Variants in TOLLIP observed in about 807,000 individuals in gnomAD.
The protein encoded by TOLLIP is toll-interacting protein.
Under a neutral mutation model 33.5 loss-of-function variants are expected in TOLLIP, and 16 were observed. The ratio of observed to expected loss-of-function variants is 0.48; its 90% CI spans 0.32 to 0.72. The LOEUF is 0.72. Among genes scored for constraint, TOLLIP ranks in the 30% least tolerant of loss-of-function variants. The pLI, the probability that TOLLIP is intolerant of heterozygous loss-of-function variation, is 0.03. For missense variants in TOLLIP, 325 were observed against 396.6 expected, an observed-to-expected ratio of 0.82 and a Z score of 1.53; for synonymous variants, 176 against 163.7, an observed-to-expected ratio of 1.07 and a Z score of -0.57.
At chr11:1,297,943 C>T (rs1055898641) in intron 1 of TOLLIP, among the ~76,000 whole-genome samples, 2 of 152,226 alleles carry the variant, frequency 1.3e-5, no homozygotes, top group African/African-American at 4.8e-5. Context: ...CAGGGCCCTT[C>T]GCCTGCCTCC....
rs182308113 is a variant in TOLLIP, at chr11:1,298,884, C to T, written c.34-3090G>A. Reference sequence around the variant, plus strand: ...CTGACAAAATCCCTGACCAGTCAGTCGTCCTCAAACCGTCAAGGTCCCAAA... The same window carrying T: ...CTGACAAAATCCCTGACCAGTCAGTTGTCCTCAAACCGTCAAGGTCCCAAA... On this transcript the variant is annotated intron_variant, in intron 1 of 5. Transcript: ENST00000317204. 2.6e-5 allele frequency among the ~76,000 whole-genome samples: 4 copies of T among 152,350 alleles called. No individual in the cohort carries two copies. In the East Asian group the frequency reaches 5.8e-4, roughly 22 times the overall value.
rs1173113377 is a variant in TOLLIP, at chr11:1,277,862, CACAT to C, written c.611-613_611-610del. ...ATGCCCAGAATGACAACCCCACACA[CACAT>C]ACAAACTACACCAAGAAAATGCTCA... is the stretch of plus-strand genomic sequence containing the variant. On this transcript the variant is annotated intron_variant, in intron 5 of 5. Transcript: ENST00000317204. The surrounding 1 kb of genome is among the most constrained non-coding windows in gnomAD (Gnocchi z 4.2). 2.0e-5 allele frequency among the ~76,000 whole-genome samples: 3 copies of C among 152,346 alleles called. No homozygotes were observed. Among genetic ancestry groups the C allele is most frequent in the Non-Finnish European group, 2.9e-5 (2 of 68,036 alleles).
Position 1,290,091 on chromosome 11 carries a change from T to G in TOLLIP, c.366+136A>C. On this transcript the variant is annotated intron_variant, in intron 3 of 5. Transcript: ENST00000317204. This position sits in a 1 kb window ranked among gnomAD's most constrained non-coding sequence, Gnocchi z 4.9. ...CCTTGGGGAGAGCAGGACCCTGTCA[T>G]GCACCCAATGAAACACCAGGTGGGG... 2.6e-6 allele frequency: 2 copies of G among 771,250 alleles called. No individual in the cohort carries two copies. The highest frequency in any genetic ancestry group is 2.4e-5 in the Admixed American group (1 of 41,786). 47.8% of individuals were successfully genotyped at this position (771,250 alleles called of 1,614,324 possible).
intron 5 of TOLLIP, among the ~76,000 whole-genome samples, chr11:1,282,534 G>C (rs1180697213): frequency 3.3e-5 from 5 of 151,686 alleles, no homozygotes; most frequent in African/African-American, 9.7e-5. Flanking sequence ...TAAATGATGA[G>C]TCAATGGGTC....
intron 5 of TOLLIP, among the ~76,000 whole-genome samples, chr11:1,280,963 A>G (rs950981677): frequency 6.6e-6 from 1 of 152,198 alleles, no homozygotes; most frequent in African/African-American, 2.4e-5. Flanking sequence ...CGGGAAATTG[A>G]GCAGTTGGCT....
intron 1 of TOLLIP, 26 bp from the exon 2 acceptor site, chr11:1,295,820 C>A: frequency 6.5e-7 from 1 of 1,531,552 alleles, no homozygotes; most frequent in Non-Finnish European, 8.8e-7. Context: ...CCAGAGAGGC[C>A]AGTGAGTCAG....
chr11:1,279,589 G>T (rs1012693612), intron 5 of TOLLIP, among the ~76,000 whole-genome samples: 4 of 152,200 alleles, frequency 2.6e-5, no homozygotes, highest in African/African-American at 9.7e-5. Flanking sequence ...GCTTTGCTGT[G>T]TCCCTGCCAT....
intron 5 of TOLLIP, among the ~76,000 whole-genome samples, chr11:1,279,631 C>T (rs747545736): frequency 4.7e-4 from 71 of 152,344 alleles, no homozygotes; most frequent in African/African-American, 9.9e-4. Flanking sequence ...GCCACCTGCA[C>T]GCACGCGGAC....
chr11:1,294,211 A>C (rs1489560980), intron 2 of TOLLIP, among the ~76,000 whole-genome samples: 3 of 135,664 alleles, frequency 2.2e-5, no homozygotes, highest in Non-Finnish European at 4.6e-5. Context: ...TGTGGCTCAC[A>C]GTGTGTCTCC....
intron 2 of TOLLIP, among the ~76,000 whole-genome samples, chr11:1,295,214 C>T (rs1353666340): frequency 1.3e-5 from 2 of 152,238 alleles, no homozygotes; most frequent in Non-Finnish European, 2.9e-5. Flanking sequence ...CACGGGCCGG[C>T]CCCGAGGCTG....
rs1864329909 is a variant in TOLLIP at position 1,303,120 on chromosome 11, A to T, written c.33+6346T>A. The stretch of plus-strand genomic sequence containing the variant: ...ACCCGTGTAAGCTGAAGAGCGGTGA[A>T]AGGGAAGAGTACAGGACAGAATGAG... On this transcript the variant is annotated intron_variant, in intron 1 of 5. Transcript: ENST00000317204. The surrounding 1 kb of genome is among the most constrained non-coding windows in gnomAD (Gnocchi z 4.2). 6.6e-6 allele frequency among the ~76,000 whole-genome samples: 1 copy of T among 152,218 alleles called. No individual in the cohort carries two copies. The highest frequency in any genetic ancestry group is 1.5e-5 in the Non-Finnish European group (1 of 68,042).
At chr11:1,308,619 G>A (rs1341619932) in intron 1 of TOLLIP, among the ~76,000 whole-genome samples, 1 of 152,226 alleles carries the variant, frequency 6.6e-6, no homozygotes, top group African/African-American at 2.4e-5. Flanking sequence ...AGAAGAAACT[G>A]CCAGGCAACT....
Position 1,278,558 on chromosome 11 carries a change from C to T in TOLLIP, c.611-1305G>A, listed in dbSNP as rs1863386003. Among the ~76,000 whole-genome samples, 2 of 152,176 alleles carry T rather than the reference C, an allele frequency of 1.3e-5. No individual in the cohort carries two copies. The highest frequency in any genetic ancestry group is 2.9e-5 in the Non-Finnish European group (2 of 68,036). On this transcript the variant is annotated intron_variant, in intron 5 of 5. Transcript: ENST00000317204. The surrounding 1 kb of genome is among the most constrained non-coding windows in gnomAD (Gnocchi z 4.7). Reference sequence around the variant, plus strand: ...GCCAGGACTCCTCAGCAAGGAAGGCCACCGCTTCCCGGCTCCTTCTAGGCC... The same window carrying T: ...GCCAGGACTCCTCAGCAAGGAAGGCTACCGCTTCCCGGCTCCTTCTAGGCC...
In TOLLIP at chr11:1,275,178, AAGGGCTGGCAGC is replaced by A. The variant is rs1863250342; in HGVS notation, c.*1849_*1860del. 2.0e-5 allele frequency: 3 copies of A among 152,188 alleles called. No homozygotes were observed. The highest frequency in any genetic ancestry group is 7.2e-5 in the African/African-American group (3 of 41,446). The allele number at this position is 152,188 out of a possible 1,614,324, so 9.4% of individuals were successfully genotyped here. On this transcript the variant is annotated 3_prime_UTR_variant, in exon 6 of 6. Coordinates refer to ENST00000317204, the MANE Select transcript of TOLLIP (RefSeq NM_019009.4). Reference sequence around the variant, plus strand: ...CCTCGGGCCCCCACACGGGCTGCTCAAGGGCTGGCAGCAGGGGCCACGTCCTCTCTAGGAGAC... The same window carrying A: ...CCTCGGGCCCCCACACGGGCTGCTCAAGGGGCCACGTCCTCTCTAGGAGAC...
At chr11:1,291,292 C>G (rs574416011) in intron 2 of TOLLIP, 1 of 152,494 alleles carries the variant, frequency 6.6e-6, no homozygotes, top group East Asian at 1.9e-4. Context: ...GGAATGCAGA[C>G]GGCCTCCCTG....
intron 4 of TOLLIP, 40 bp downstream of exon 4, chr11:1,288,584 T>C: frequency 1.3e-6 from 2 of 1,578,208 alleles, no homozygotes; most frequent in Non-Finnish European, 1.7e-6. Flanking sequence ...TGCTCCAACA[T>C]ACCCCAATGC....
At chr11:1,292,856 G>A (rs1217018274) in intron 2 of TOLLIP, among the ~76,000 whole-genome samples, 1 of 152,278 alleles carries the variant, frequency 6.6e-6, no homozygotes, top group Non-Finnish European at 1.5e-5. Flanking sequence ...CCGGGTATGC[G>A]GGCTGCAGGA....
chr11:1,295,896 T>G, intron 1 of TOLLIP, 102 bp from the exon 2 acceptor site: 1 of 1,391,692 alleles, frequency 7.2e-7, no homozygotes, highest in Non-Finnish European at 9.6e-7. Context: ...CCCCCACCCA[T>G]GTCCTTATCA....
rs764966866 is a variant in TOLLIP at position 1,276,780 on chromosome 11, C to T, written c.*259G>A. ...TCCAGAACGGCATGAGAAGGAGAGA[C>T]GCACGTCCCAGGGACAGGAGAGCGC... On this transcript the variant is annotated 3_prime_UTR_variant, in exon 6 of 6. Transcript: ENST00000317204. 30 of 1,511,930 alleles carry T rather than the reference C, an allele frequency of 2.0e-5. No homozygotes were observed. Among genetic ancestry groups the T allele is most frequent in the African/African-American group, 9.6e-5 (7 of 72,646 alleles). The allele number at this position is 1,511,930 out of a possible 1,614,324, so 93.7% of individuals were successfully genotyped here.
Sources: allele counts gnomAD v4.1 joint callset (sites outside exome capture counted in the v4.1 genomes callset), GRCh38; gene constraint gnomAD v4.1.1; non-coding constraint Gnocchi (gnomAD v3.1); transcripts MANE v1.5; gene names NCBI Gene and HGNC (gene_info 2026-07-23, HGNC 2026-07-21).